The following SAMMSON variants were observed in gnomAD, a reference collection of about 807,000 sequenced individuals.
SAMMSON encodes the protein long intergenic non-protein coding RNA 1212.
At chr3:70,169,915 T>G (rs1183393399) in intron 4 of SAMMSON, among the ~76,000 whole-genome samples, 2 of 151,906 alleles carry the variant, frequency 1.3e-5, no homozygotes, top group Non-Finnish European at 2.9e-5. Flanking sequence ...AAACTCATGC[T>G]GAATAAAATA....
intron 3 of SAMMSON, among the ~76,000 whole-genome samples, chr3:70,015,873 T>A (rs1168970524): frequency 6.6e-6 from 1 of 152,142 alleles, no homozygotes; most frequent in Non-Finnish European, 1.5e-5. Flanking sequence ...TTCATCCGTG[T>A]CCCTACAAAG....
intron 3 of SAMMSON, among the ~76,000 whole-genome samples, chr3:70,044,919 C>T (rs1021842824): frequency 5.7e-5 from 8 of 141,140 alleles, no homozygotes; most frequent in Non-Finnish European, 1.2e-4. Flanking sequence ...AAGTAAAATA[C>T]TTTAATTAAA....
chr3:70,311,437 T>C (rs939504178), intron 7 of SAMMSON, among the ~76,000 whole-genome samples: 2 of 152,174 alleles, frequency 1.3e-5, no homozygotes, highest in Non-Finnish European at 2.9e-5. Flanking sequence ...CATTCTCCCC[T>C]GGGAAGGTGG....
In SAMMSON at chr3:70,047,333, C is replaced by G. The variant is rs1270517862; in HGVS notation, n.418-24143C>G. On this transcript the variant is annotated intron_variant and non_coding_transcript_variant, in intron 3 of 9. Coordinates refer to ENST00000642114, the Ensembl canonical transcript of SAMMSON. The stretch of plus-strand genomic sequence containing the variant: ...TATTATATAATTTCTCTCTCTCTCT[C>G]TTTTTTTTTTTTTGAGACAGAGTCT... 2.8e-5 allele frequency among the ~76,000 whole-genome samples: 4 copies of G among 143,424 alleles called. No homozygotes were observed. The East Asian group carries it at 6.1e-4, about 22-fold the overall frequency. 94.1% of individuals were successfully genotyped at this position (143,424 alleles called of 152,430 possible).
At chr3:70,008,075 A>G (rs2066936035) in intron 1 of SAMMSON, among the ~76,000 whole-genome samples, 1 of 152,178 alleles carries the variant, frequency 6.6e-6, no homozygotes, top group Non-Finnish European at 1.5e-5. Context: ...GAAGTCAGGT[A>G]GCATGATGCC....
intron 7 of SAMMSON, among the ~76,000 whole-genome samples, chr3:70,336,814 TTGTGTGTGTGTGTGTGTGTG>T (rs71126494): frequency 1.6e-5 from 2 of 126,666 alleles, no homozygotes; most frequent in African/African-American, 3.0e-5. Context: ...AATAGAAAGT[TTGTGTGTGTGTGTGTGTGTG>T]TGTGTGTGTG....
chr3:70,222,487 G>A (rs1254408193), intron 4 of SAMMSON, among the ~76,000 whole-genome samples: 1 of 152,170 alleles, frequency 6.6e-6, no homozygotes, highest in Admixed American at 6.6e-5. Flanking sequence ...TGGATAGGTT[G>A]GTTTTCGGTA....
At chr3:70,142,340 G>C (rs1475170625) in intron 4 of SAMMSON, among the ~76,000 whole-genome samples, 2 of 152,112 alleles carry the variant, frequency 1.3e-5, no homozygotes, top group African/African-American at 4.8e-5. Context: ...TGTATATGAT[G>C]GAATACTACT....
intron 4 of SAMMSON, among the ~76,000 whole-genome samples, chr3:70,241,231 T>C (rs1412588363): frequency 1.3e-5 from 2 of 152,146 alleles, no homozygotes; most frequent in East Asian, 3.9e-4. Context: ...ACTTTAAAAC[T>C]CCACTCTTTA....
chr3:70,236,717 T>A (rs990878596), intron 4 of SAMMSON, among the ~76,000 whole-genome samples: 1 of 152,062 alleles, frequency 6.6e-6, no homozygotes, highest in Admixed American at 6.6e-5. Flanking sequence ...TGCCTCAGCC[T>A]CGTGAGTAGC....
intron 4 of SAMMSON, among the ~76,000 whole-genome samples, chr3:70,169,323 G>T (rs1001516537): frequency 6.6e-6 from 1 of 152,016 alleles, no homozygotes; most frequent in Admixed American, 6.6e-5. Flanking sequence ...TTCAGCCACA[G>T]CTTTCAGGAT....
intron 7 of SAMMSON, among the ~76,000 whole-genome samples, chr3:70,338,673 A>T (rs1419396958): frequency 6.6e-6 from 1 of 152,174 alleles, no homozygotes; most frequent in Non-Finnish European, 1.5e-5. Flanking sequence ...GGAATAAAAT[A>T]CCTAGGAAAC....
At chr3:70,254,037 T>C (rs1443777235) in intron 6 of SAMMSON, among the ~76,000 whole-genome samples, 2 of 152,358 alleles carry the variant, frequency 1.3e-5, no homozygotes, top group Non-Finnish European at 2.9e-5. Flanking sequence ...TATGAATCTG[T>C]ACAGTTTGAT....
intron 6 of SAMMSON, chr3:70,249,695 C>G (rs1415081308): frequency 6.6e-6 from 1 of 152,152 alleles, no homozygotes; most frequent in Non-Finnish European, 1.5e-5. Context: ...TCATTTATTT[C>G]CCGCCTTCCC....
chr3:70,013,454 G>A (rs1485233798), intron 2 of SAMMSON: 1 of 152,128 alleles, frequency 6.6e-6, no homozygotes, highest in African/African-American at 2.4e-5. Flanking sequence ...GCCAGTACAT[G>A]AGCCTCCCTA....
chr3:70,309,665 T>C (rs995515675), intron 7 of SAMMSON, among the ~76,000 whole-genome samples: 3 of 152,214 alleles, frequency 2.0e-5, no homozygotes, highest in Admixed American at 6.5e-5. Flanking sequence ...CCAACCCATA[T>C]ACTTTTTCTT....
intron 2 of SAMMSON, among the ~76,000 whole-genome samples, chr3:70,432,001 ACTAT>A (rs141321668): frequency 0.026 from 3,963 of 152,088 alleles, 199 homozygotes; most frequent in African/African-American, 0.091. Flanking sequence ...CTGCTTTTTA[ACTAT>A]TAATAATAAT....
intron 3 of SAMMSON, among the ~76,000 whole-genome samples, chr3:70,029,057 C>G (rs922886360): frequency 1.3e-5 from 2 of 152,152 alleles, no homozygotes; most frequent in African/African-American, 4.8e-5. Context: ...AACCATTATA[C>G]CATATTGCAG....
In SAMMSON at chr3:70,267,428, AGTCTCGCTCT is replaced by A. The variant is rs1701926439; in HGVS notation, n.674+17762_674+17771del. Among the ~76,000 whole-genome samples the A allele has an allele frequency of 7.4e-5, 7 of 94,756 alleles. No homozygotes were observed. The Admixed American group carries it at 1.2e-3, about 17-fold the overall frequency. 62.2% of individuals were successfully genotyped at this position (94,756 alleles called of 152,430 possible). A position where few individuals can be genotyped will look rare whatever the true frequency, so the allele number is the denominator to read the frequency against. On this transcript the variant is annotated intron_variant and non_coding_transcript_variant, in intron 6 of 9. Coordinates refer to ENST00000642114, the Ensembl canonical transcript of SAMMSON. Reference sequence around the variant, plus strand: ...TTTTTTTTTTTTTTTTTTGAGCGGGAGTCTCGCTCTGTCACCCAGGCTGGTGTGCAGTGGC... The same window carrying A: ...TTTTTTTTTTTTTTTTTTGAGCGGGAGTCACCCAGGCTGGTGTGCAGTGGC...
Sources: allele counts gnomAD v4.1 joint callset (sites outside exome capture counted in the v4.1 genomes callset), GRCh38; gene constraint gnomAD v4.1.1; transcripts MANE v1.5; gene names NCBI Gene and HGNC (gene_info 2026-07-23, HGNC 2026-07-21).